Variants in CENPE observed in about 807,000 individuals in gnomAD.
The protein encoded by CENPE is centromere-associated protein E.
CENPE carries 145 observed loss-of-function variants against 336.1 expected under a neutral mutation model. That is an observed-to-expected ratio of 0.43 (90% confidence interval 0.38 to 0.50). The LOEUF is 0.50. CENPE is among the 20% of genes least tolerant of loss of function. CENPE has a pLI of 0.00. For synonymous variants in CENPE, 1,013 were observed against 984.8 expected, an observed-to-expected ratio of 1.03 and a Z score of -0.54; for missense variants, 2,719 against 3,023.3, an observed-to-expected ratio of 0.90 and a Z score of 2.36.
At chr4:103,115,512 A>G (rs901141477) in intron 45 of CENPE, among the ~76,000 whole-genome samples, 1 of 152,182 alleles carries the variant, frequency 6.6e-6, no homozygotes, top group Non-Finnish European at 1.5e-5. Flanking sequence ...AAACCAATAG[A>G]CTGCTTAGAG....
chr4:103,197,124 T>C (rs1757802167), intron 1 of CENPE, among the ~76,000 whole-genome samples: 1 of 152,248 alleles, frequency 6.6e-6, no homozygotes, highest in Non-Finnish European at 1.5e-5. Context: ...TGATTATGTC[T>C]GTCTTGCTTA....
intron 11 of CENPE, 72 bp from the exon 12 acceptor site, chr4:103,181,528 C>G: frequency 3.1e-6 from 4 of 1,278,892 alleles, no homozygotes; most frequent in Non-Finnish European, 4.2e-6. Flanking sequence ...TAATATTTAG[C>G]TTTCTTATAT....
intron 16 of CENPE, among the ~76,000 whole-genome samples, chr4:103,168,005 G>A (rs1172676933): frequency 2.0e-5 from 3 of 152,130 alleles, no homozygotes; most frequent in Admixed American, 2.0e-4. Context: ...ACCCAGAAGG[G>A]AACATGCCCA....
chr4:103,141,394 GAC>G (rs1752548834), intron 35 of CENPE, among the ~76,000 whole-genome samples: 1 of 152,092 alleles, frequency 6.6e-6, no homozygotes, highest in Admixed American at 6.6e-5. Flanking sequence ...CCTTCCTAGA[GAC>G]AGCCACTATT....
In CENPE at chr4:103,158,384, T is replaced by C. The variant is rs967408274; in HGVS notation, c.2949A>G (p.Leu983=). ...LKQHQETINT[L]KSKISEEVSR... Reference sequence around the variant, plus strand: ...AAACTTCCTCAGAAATTTTCGATTTTAGTGTATTAATTGTTTCTTGATGTT... The same window carrying C: ...AAACTTCCTCAGAAATTTTCGATTTCAGTGTATTAATTGTTTCTTGATGTT... Residue 983 remains leucine, a synonymous_variant, in exon 24 of 49, where the codon CTA becomes CTG. Coordinates refer to ENST00000265148, the MANE Select transcript of CENPE (RefSeq NM_001813.3). The C allele has an allele frequency of 2.5e-6, 4 of 1,609,634 alleles. No individual in the cohort carries two copies. Among genetic ancestry groups the C allele is most frequent in the African/African-American group, 2.7e-5 (2 of 74,812 alleles).
chr4:103,114,125 C>T (rs1749858503), intron 46 of CENPE, among the ~76,000 whole-genome samples: 1 of 152,066 alleles, frequency 6.6e-6, no homozygotes, highest in African/African-American at 2.4e-5. Context: ...ACATGTGTTT[C>T]GTTTTATTGG....
In CENPE at chr4:103,117,954, C is replaced by T. The variant is rs1292161997; in HGVS notation, c.7330-1265G>A. Among the ~76,000 whole-genome samples, 4 of 152,120 alleles carry T rather than the reference C, an allele frequency of 2.6e-5. No individual in the cohort carries two copies. The South Asian group carries it at 6.2e-4, about 24-fold the overall frequency. On this transcript the variant is annotated intron_variant, in intron 44 of 48. Transcript: ENST00000265148. The stretch of plus-strand genomic sequence containing the variant: ...TCTCATTTCTTTTAATTGCTGAATA[C>T]TATTCCACTGTATGAATGTACCAGT...
At chr4:103,191,174 T>C (rs1489936194) in intron 8 of CENPE, among the ~76,000 whole-genome samples, 7 of 152,220 alleles carry the variant, frequency 4.6e-5, no homozygotes, top group South Asian at 4.2e-4. Context: ...TGTGGAGAAA[T>C]AGGAACACTT....
intron 4 of CENPE, 104 bp downstream of exon 4, chr4:103,195,816 T>C: frequency 1.3e-6 from 1 of 755,524 alleles, no homozygotes; most frequent in Non-Finnish European, 2.4e-6. Context: ...ACAATAACTG[T>C]AAATCTACTT....
chr4:103,159,682 G>A (rs185878166), intron 21 of CENPE, among the ~76,000 whole-genome samples: 278 of 151,716 alleles, frequency 1.8e-3, no homozygotes, highest in South Asian at 4.4e-3. Context: ...TTTCCCTAAA[G>A]GCTTTGAATG....
intron 47 of CENPE, among the ~76,000 whole-genome samples, chr4:103,110,146 A>G (rs954651510): frequency 6.6e-6 from 1 of 152,178 alleles, no homozygotes; most frequent in Non-Finnish European, 1.5e-5. Flanking sequence ...GATCACTGAA[A>G]TAAAGTGAAT....
chr4:103,112,641 G>T (rs543685711), intron 46 of CENPE, among the ~76,000 whole-genome samples: 65 of 121,758 alleles, frequency 5.3e-4, no homozygotes, highest in African/African-American at 2.1e-3. Flanking sequence ...TATATAAGTG[G>T]ATATATACTT....
At chr4:103,191,649 G>C (rs1379913488) in intron 8 of CENPE, among the ~76,000 whole-genome samples, 2 of 147,014 alleles carry the variant, frequency 1.4e-5, no homozygotes, top group Non-Finnish European at 3.0e-5. Context: ...GGCCTGTTGT[G>C]GGGTGGGGGG....
intron 8 of CENPE, among the ~76,000 whole-genome samples, chr4:103,190,297 A>C (rs1339216640): frequency 6.6e-6 from 1 of 152,232 alleles, no homozygotes; most frequent in Admixed American, 6.5e-5. Flanking sequence ...AACTACTTTA[A>C]GGTTCATATG....
chr4:103,174,723 C>A lies in CENPE; in HGVS notation c.1647+13G>T. 1.4e-6 allele frequency: 2 copies of A among 1,470,138 alleles called. No individual in the cohort carries two copies. The highest frequency in any genetic ancestry group is 1.8e-6 in the Non-Finnish European group (2 of 1,104,626). 91.1% of individuals were successfully genotyped at this position (1,470,138 alleles called of 1,614,324 possible). A position where few individuals can be genotyped will look rare whatever the true frequency, so the allele number is the denominator to read the frequency against. On this transcript the variant is annotated intron_variant, in intron 16 of 48. Coordinates refer to ENST00000265148, the MANE Select transcript of CENPE (RefSeq NM_001813.3). ...ATGCTTTTAGTTTAGTTTTACATTT[C>A]TGTCTCTCTTACCTCTTGATCTTTT...
At chr4:103,107,762 CCAAGTCCA>C (rs1448813313) in intron 48 of CENPE, among the ~76,000 whole-genome samples, 1 of 152,136 alleles carries the variant, frequency 6.6e-6, no homozygotes, top group Admixed American at 6.5e-5. Context: ...CTTCTCTACT[CCAAGTCCA>C]CACTACCATC....
chr4:103,187,577 A>G lies in CENPE; in HGVS notation c.694-1716T>C, dbSNP rs368871468. On this transcript the variant is annotated intron_variant, in intron 8 of 48. Coordinates refer to ENST00000265148, the MANE Select transcript of CENPE (RefSeq NM_001813.3). The stretch of plus-strand genomic sequence containing the variant: ...TTCATAAGTGAAGGAGAAATAAAAT[A>G]CTTTACAGACAAGCAAATGCTGAGA... 2.0e-5 allele frequency among the ~76,000 whole-genome samples: 3 copies of G among 152,114 alleles called. No individual in the cohort carries two copies. In the South Asian group the frequency reaches 6.2e-4, roughly 31 times the overall value.
chr4:103,133,735 C>T lies in CENPE; in HGVS notation c.6680G>A (p.Arg2227Lys), dbSNP rs1332298182. ...QDCDVPSREL[R>K]DLKLNQNMDL... is the part of the protein sequence containing the mutation. ...CATATTCTGGTTCAATTTGAGATCC[C>T]TTAATTCTCTGGATGGTACATCACA... is the stretch of plus-strand genomic sequence containing the variant. Residue 2227 changes from arginine (R) to lysine (K), a missense_variant, in exon 41 of 49, where the codon AGG becomes AAG. Around this residue, in one of 5 missense-constraint regions of CENPE, gnomAD observed 2,437 missense variants for 2,513.3 expected, o/e 0.97. Transcript: ENST00000265148. 1.9e-6 allele frequency: 3 copies of T among 1,609,516 alleles called. No homozygotes were observed. Among genetic ancestry groups the T allele is most frequent in the Admixed American group, 1.7e-5 (1 of 59,390 alleles).
intron 16 of CENPE, among the ~76,000 whole-genome samples, chr4:103,165,064 T>C (rs113726139): frequency 2.3e-4 from 34 of 145,228 alleles, no homozygotes; most frequent in African/African-American, 8.1e-4. Flanking sequence ...TTAGTACTGG[T>C]TCTTATGCAT....
Sources: gnomAD v4.1 joint callset for allele counts (sites outside exome capture counted in the v4.1 genomes callset) on GRCh38, gnomAD v4.1.1 for gene constraint, gnomAD v4.1.1 regional missense constraint, MANE v1.5 for transcripts, NCBI Gene and HGNC (gene_info 2026-07-23, HGNC 2026-07-21) for gene names.